TENM2: variants seen among roughly 807,000 people sequenced by gnomAD.
TENM2 encodes the protein teneurin-2.
TENM2 carries 52 observed loss-of-function variants against 245.2 expected under a neutral mutation model. That is an observed-to-expected ratio of 0.21 (90% CI 0.17 to 0.27). The LOEUF (loss-of-function observed/expected upper bound fraction) is 0.27. TENM2 is among the 10% of genes least tolerant of loss of function. TENM2 has a pLI of 1.00. For missense variants in TENM2, 3,046 were observed against 3,666.8 expected (o/e 0.83, Z 4.37); for synonymous variants, 1,363 against 1,438.9 (o/e 0.95, Z 1.19).
intron 2 of TENM2, among the ~76,000 whole-genome samples, chr5:167,501,483 A>T (rs1769211537): frequency 6.6e-6 from 1 of 152,172 alleles, no homozygotes; most frequent in African/African-American, 2.4e-5. Context: ...TGTTGATTGT[A>T]ATGTTGGCAG....
intron 2 of TENM2, among the ~76,000 whole-genome samples, chr5:167,514,602 G>T (rs1770191671): frequency 6.6e-6 from 1 of 152,226 alleles, no homozygotes. Context: ...CCAGAGAAAT[G>T]AGAGATCCCA....
intron 2 of TENM2, among the ~76,000 whole-genome samples, chr5:167,508,061 A>G (rs1046273435): frequency 6.6e-6 from 1 of 152,258 alleles, no homozygotes; most frequent in Non-Finnish European, 1.5e-5. Context: ...CCCACTGAAC[A>G]TGTGGAAACG....
chr5:168,205,147 T>A (rs1384048236), intron 19 of TENM2, among the ~76,000 whole-genome samples: 1 of 152,174 alleles, frequency 6.6e-6, no homozygotes, highest in African/African-American at 2.4e-5. Context: ...GGGAAAAAAC[T>A]GACCCCTAAA....
chr5:168,197,848 C>G (rs958433396), intron 15 of TENM2, among the ~76,000 whole-genome samples: 2 of 152,146 alleles, frequency 1.3e-5, no homozygotes, highest in Admixed American at 6.5e-5. Context: ...CTCCATCCAG[C>G]TCTTAAGAAA....
the TENM2 span, among the ~76,000 whole-genome samples, chr5:167,152,056 T>C: frequency 6.6e-6 from 1 of 152,312 alleles, no homozygotes; most frequent in African/African-American, 2.4e-5. Context: ...TGATGGATGC[T>C]CTTGTATACA....
intron 2 of TENM2, among the ~76,000 whole-genome samples, chr5:167,449,890 G>A (rs574936218): frequency 4.6e-5 from 7 of 152,114 alleles, no homozygotes; most frequent in African/African-American, 9.7e-5. Flanking sequence ...CCTGCGAGGC[G>A]GAGGTTGCAG....
At chr5:167,880,213 A>G (rs1773764226) in intron 3 of TENM2, among the ~76,000 whole-genome samples, 1 of 151,920 alleles carries the variant, frequency 6.6e-6, no homozygotes, top group African/African-American at 2.4e-5. Context: ...TTGTATTTTT[A>G]GTAGAAATGG....
At chr5:167,752,296 T>C (rs1395824282) in intron 2 of TENM2, among the ~76,000 whole-genome samples, 1 of 145,382 alleles carries the variant, frequency 6.9e-6, no homozygotes, top group Non-Finnish European at 1.5e-5. Flanking sequence ...GTATTTTAAG[T>C]AGAGATGGGG....
intron 2 of TENM2, among the ~76,000 whole-genome samples, chr5:167,561,648 C>G (rs1773594190): frequency 6.6e-6 from 1 of 152,198 alleles, no homozygotes; most frequent in South Asian, 2.1e-4. Context: ...TTCCCAGGTA[C>G]TACTGCAAAA....
rs190283099 is a variant in TENM2, at chr5:167,807,728, C to A, written c.503-68258C>A. Reference sequence around the variant, plus strand: ...GATGAAGAGGCTCTATATGTGATCACTTATGCAAATTTCCCACCAAGAATG... The same window carrying A: ...GATGAAGAGGCTCTATATGTGATCAATTATGCAAATTTCCCACCAAGAATG... On this transcript the variant is annotated intron_variant, in intron 2 of 28. Transcript: ENST00000518659. 5.3e-4 allele frequency among the ~76,000 whole-genome samples: 81 copies of A among 151,936 alleles called. No homozygotes were observed. In the Middle Eastern group the frequency reaches 0.017, roughly 32 times the overall value.
chr5:167,805,136 G>T lies in TENM2; in HGVS notation c.503-70850G>T, dbSNP rs1280700977. ...TCATGATTATGTAGCAATTGGGAGG[G>T]CGTAAGAGGGGCATTGTCTGAAGTG... On this transcript the variant is annotated intron_variant, in intron 2 of 28. Transcript: ENST00000518659. Among the ~76,000 whole-genome samples, 3 of 152,136 alleles carry T rather than the reference G, an allele frequency of 2.0e-5. No individual in the cohort carries two copies. The South Asian group carries it at 6.2e-4, about 31-fold the overall frequency.
chr5:168,181,650 T>G (rs1032599444), intron 13 of TENM2, among the ~76,000 whole-genome samples: 1 of 149,270 alleles, frequency 6.7e-6, no homozygotes. Context: ...CCAGAAGGAG[T>G]GCAAATACAG....
At chr5:167,378,764 T>C (rs1305768712) in intron 2 of TENM2, among the ~76,000 whole-genome samples, 4 of 152,090 alleles carry the variant, frequency 2.6e-5, no homozygotes, top group African/African-American at 9.7e-5. Context: ...GAATAACTAA[T>C]TGCCTCCTTA....
chr5:168,136,936 T>C (rs1255938939), intron 12 of TENM2, among the ~76,000 whole-genome samples: 2 of 152,212 alleles, frequency 1.3e-5, no homozygotes, highest in Non-Finnish European at 2.9e-5. Context: ...CCCTCCTTCA[T>C]AATAATCGCA....
chr5:167,334,794 T>C (rs141950786), intron 1 of TENM2, among the ~76,000 whole-genome samples: 102 of 152,356 alleles, frequency 6.7e-4, no homozygotes, highest in African/African-American at 2.3e-3. Context: ...ATTGAAGCTC[T>C]GATTTGCAAG....
the TENM2 span, among the ~76,000 whole-genome samples, chr5:167,090,957 G>A: frequency 2.6e-5 from 4 of 152,088 alleles, no homozygotes; most frequent in Admixed American, 6.5e-5. Flanking sequence ...GTTTTTCAAC[G>A]CTTTCTGCTT....
intron 1 of TENM2, among the ~76,000 whole-genome samples, chr5:167,347,155 C>T (rs1383035733): frequency 6.6e-6 from 1 of 151,030 alleles, no homozygotes; most frequent in Non-Finnish European, 1.5e-5. Context: ...AAAAAAAAAA[C>T]CTGTGTATAA....
chr5:167,430,817 T>C (rs944475264), intron 2 of TENM2, among the ~76,000 whole-genome samples: 4 of 152,232 alleles, frequency 2.6e-5, no homozygotes, highest in African/African-American at 9.6e-5. Flanking sequence ...AAATCATTCA[T>C]TCTGCCTACA....
In TENM2 at chr5:167,366,241, C is replaced by G. The variant is rs147881457; in HGVS notation, c.227-8957C>G. On this transcript the variant is annotated intron_variant, in intron 1 of 28. Transcript: ENST00000518659. ...AAAAGCCTAAACAATACATGGATAA[C>G]CTATTGTATTTATGTCAACCTATTT... Among the ~76,000 whole-genome samples the G allele has an allele frequency of 8.5e-5, 13 of 152,076 alleles. No homozygotes were observed. The East Asian group carries it at 2.3e-3, about 27-fold the overall frequency.
Sources: allele counts gnomAD v4.1 joint callset (sites outside exome capture counted in the v4.1 genomes callset), GRCh38; gene constraint gnomAD v4.1.1; transcripts MANE v1.5; gene names NCBI Gene and HGNC (gene_info 2026-07-23, HGNC 2026-07-21).